Variants in AUTS2 observed in about 807,000 individuals in gnomAD.
AUTS2 encodes autism susceptibility gene 2 protein.
AUTS2 carries 17 observed loss-of-function variants against 112.4 expected under a neutral mutation model. The ratio of observed to expected loss-of-function variants is 0.15; its 90% CI spans 0.10 to 0.23. The LOEUF is 0.23. AUTS2 is among the 10% of genes least tolerant of loss of function. The pLI, the probability that AUTS2 is intolerant of heterozygous loss-of-function variation, is 1.00. For synonymous variants in AUTS2, 751 were observed against 702.7 expected, an observed-to-expected ratio of 1.07 and a Z score of -1.09; for missense variants, 1,510 against 1,701.6, an observed-to-expected ratio of 0.89 and a Z score of 1.98.
chr7:69,600,087 TA>T, intron 1 of AUTS2, 125 bp downstream of exon 1: 4 of 1,083,248 alleles, frequency 3.7e-6, no homozygotes, highest in African/African-American at 1.6e-5. Flanking sequence ...TCTGTCTGTC[TA>T]GGCTGAGGTC....
At chr7:69,726,946 C>G (rs1407116065) in intron 1 of AUTS2, among the ~76,000 whole-genome samples, 6 of 152,108 alleles carry the variant, frequency 3.9e-5, no homozygotes, top group African/African-American at 1.4e-4. Context: ...AATGTGAGTA[C>G]TTCTTTCAGT....
intron 2 of AUTS2, among the ~76,000 whole-genome samples, chr7:70,090,205 AC>A (rs1295885581): frequency 6.6e-6 from 1 of 151,618 alleles, no homozygotes; most frequent in East Asian, 1.9e-4. Context: ...GTGATATACT[AC>A]CCATTCATGT....
At chr7:70,573,011 G>A (rs1052502781) in intron 5 of AUTS2, among the ~76,000 whole-genome samples, 9 of 152,314 alleles carry the variant, frequency 5.9e-5, no homozygotes, top group Middle Eastern at 3.4e-3. Context: ...TAGCTTAGCC[G>A]CTATTGAATT....
At chr7:69,783,838 C>G (rs1789249187) in intron 1 of AUTS2, among the ~76,000 whole-genome samples, 1 of 152,242 alleles carries the variant, frequency 6.6e-6, no homozygotes, top group South Asian at 2.1e-4. Context: ...TATCATCATT[C>G]AGCAGGGAAT....
intron 4 of AUTS2, among the ~76,000 whole-genome samples, chr7:70,218,791 C>T (rs1295627597): frequency 6.6e-6 from 1 of 152,092 alleles, no homozygotes; most frequent in Non-Finnish European, 1.5e-5. Context: ...TTTTGCTTAC[C>T]CTCTGATAGC....
intron 1 of AUTS2, among the ~76,000 whole-genome samples, chr7:69,878,930 G>A (rs537876868): frequency 1.3e-5 from 2 of 152,306 alleles, no homozygotes; most frequent in African/African-American, 2.4e-5. Context: ...GGCTCTTTCT[G>A]TGTTCTTACA....
chr7:70,051,318 T>C (rs1243622349), intron 2 of AUTS2, among the ~76,000 whole-genome samples: 1 of 152,210 alleles, frequency 6.6e-6, no homozygotes, highest in East Asian at 1.9e-4. Context: ...TTTTCTTAAC[T>C]GACTCCCTCT....
Position 70,757,673 on chromosome 7 carries a change from A to G in AUTS2, c.743-5197A>G, listed in dbSNP as rs563761338. Among the ~76,000 whole-genome samples, 39 of 151,430 alleles carry G rather than the reference A, an allele frequency of 2.6e-4. 1 individual carries two copies. In the South Asian group the frequency reaches 7.3e-3, roughly 28 times the overall value. On this transcript the variant is annotated intron_variant, in intron 6 of 18. Transcript: ENST00000342771. ...AATTTATTACACATTCACAGATTAC[A>G]TTTTCTTATTTTTTTATGCATATAT...
chr7:70,524,440 A>G (rs1799761330), intron 5 of AUTS2, among the ~76,000 whole-genome samples: 1 of 152,224 alleles, frequency 6.6e-6, no homozygotes, highest in Admixed American at 6.5e-5. Flanking sequence ...ATCCACATTG[A>G]TAAATATTTA....
At chr7:70,173,377 A>G (rs570500621) in intron 4 of AUTS2, among the ~76,000 whole-genome samples, 2 of 151,666 alleles carry the variant, frequency 1.3e-5, no homozygotes, top group South Asian at 4.2e-4. Context: ...AAAAAAAAAG[A>G]AAGAGAGAAA....
chr7:70,472,265 G>A (rs761086991), intron 5 of AUTS2, among the ~76,000 whole-genome samples: 3 of 152,128 alleles, frequency 2.0e-5, no homozygotes, highest in Non-Finnish European at 2.9e-5. Flanking sequence ...CGATTTATAT[G>A]AGAGAACCCC....
rs550048263 is a variant in AUTS2, at chr7:70,138,578, C to T, written c.660+4007C>T. ...ATAGCTTGTATCCTGCTTTTGTAAA[C>T]TCCATAATTTCTCTTAAGGATTCTC... On this transcript the variant is annotated intron_variant, in intron 4 of 18. Transcript: ENST00000342771. Among the ~76,000 whole-genome samples, 7 of 152,314 alleles carry T rather than the reference C, an allele frequency of 4.6e-5. No homozygotes were observed. In the East Asian group the frequency reaches 1.3e-3, roughly 29 times the overall value.
chr7:70,728,019 G>A (rs1016960284), intron 6 of AUTS2, among the ~76,000 whole-genome samples: 15 of 152,154 alleles, frequency 9.9e-5, no homozygotes, highest in Non-Finnish European at 2.1e-4. Context: ...TTCAGGGGAA[G>A]GTTAGAAAAT....
chr7:70,025,267 A>T (rs932048755), intron 2 of AUTS2, among the ~76,000 whole-genome samples: 2 of 152,126 alleles, frequency 1.3e-5, no homozygotes, highest in Admixed American at 1.3e-4. Flanking sequence ...TGAGGCTTAA[A>T]GAGCTGCTAG....
intron 1 of AUTS2, among the ~76,000 whole-genome samples, chr7:69,687,860 A>G (rs1584072891): frequency 6.6e-6 from 1 of 152,092 alleles, no homozygotes. Flanking sequence ...TGCTTTTCCT[A>G]TCAAATTGAA....
chr7:70,161,093 C>CT (rs911898166), intron 4 of AUTS2, among the ~76,000 whole-genome samples: 3 of 152,114 alleles, frequency 2.0e-5, no homozygotes, highest in South Asian at 2.1e-4. Context: ...TCTCTCTCTC[C>CT]TTTTTTTACC....
chr7:70,000,119 A>G (rs1799118916), intron 2 of AUTS2, among the ~76,000 whole-genome samples: 1 of 152,222 alleles, frequency 6.6e-6, no homozygotes, highest in Non-Finnish European at 1.5e-5. Flanking sequence ...TGTTCCTGCT[A>G]TGTCAAGCAC....
chr7:70,679,119 G>A (rs907015345), intron 5 of AUTS2, among the ~76,000 whole-genome samples: 6 of 152,144 alleles, frequency 3.9e-5, no homozygotes, highest in Non-Finnish European at 7.3e-5. Flanking sequence ...GTTATCAATG[G>A]AGGAAGTCAA....
intron 5 of AUTS2, among the ~76,000 whole-genome samples, chr7:70,542,367 G>A (rs1295989574): frequency 6.6e-6 from 1 of 152,190 alleles, no homozygotes; most frequent in Non-Finnish European, 1.5e-5. Context: ...TGAACTCCTA[G>A]TCTAGACATC....
Sources: gnomAD v4.1 joint callset for allele counts (sites outside exome capture counted in the v4.1 genomes callset) on GRCh38, gnomAD v4.1.1 for gene constraint, MANE v1.5 for transcripts, NCBI Gene and HGNC (gene_info 2026-07-23, HGNC 2026-07-21) for gene names.